Variants in CUX2 observed in about 807,000 individuals in gnomAD.
The protein encoded by CUX2 is cut like homeobox 2.
Under a neutral mutation model 144.8 loss-of-function variants are expected in CUX2, and 40 were observed. The ratio of observed to expected loss-of-function variants is 0.28; its 90% CI spans 0.21 to 0.36. The LOEUF (loss-of-function observed/expected upper bound fraction) is 0.36, where lower values mean the gene tolerates loss of function less well. CUX2 is among the 10% of genes least tolerant of loss of function. The pLI is 1.00. For synonymous variants in CUX2, 827 were observed against 875.6 expected, an observed-to-expected ratio of 0.94 and a Z score of 0.98; for missense variants, 1,615 against 1,994.0, an observed-to-expected ratio of 0.81 and a Z score of 3.62.
At chr12:111,183,167 A>C (rs533425194) in intron 1 of CUX2, among the ~76,000 whole-genome samples, 1 of 152,358 alleles carries the variant, frequency 6.6e-6, no homozygotes, top group African/African-American at 2.4e-5. Context: ...CCAGTTGAGA[A>C]CTCAATGAAT....
At chr12:111,069,530 G>A (rs1871165608) in intron 1 of CUX2, among the ~76,000 whole-genome samples, 2 of 148,540 alleles carry the variant, frequency 1.3e-5, no homozygotes, top group South Asian at 4.2e-4. Context: ...CTGTGTGTGT[G>A]TGTGTGTGTG....
At chr12:111,143,247 A>G (rs2136125981) in intron 1 of CUX2, among the ~76,000 whole-genome samples, 1 of 152,336 alleles carries the variant, frequency 6.6e-6, no homozygotes, top group African/African-American at 2.4e-5. Flanking sequence ...GCTGCACTGG[A>G]TGAAGGAGCA....
At chr12:111,043,152 A>G (rs1390265706) in intron 1 of CUX2, among the ~76,000 whole-genome samples, 1 of 152,230 alleles carries the variant, frequency 6.6e-6, no homozygotes, top group Non-Finnish European at 1.5e-5. Flanking sequence ...AAGGAAGGCA[A>G]GGTGCCAGCT....
intron 18 of CUX2, among the ~76,000 whole-genome samples, chr12:111,330,690 T>TACATATATATATATATACATATAC: frequency 1.0e-4 from 1 of 9,972 alleles, no homozygotes; most frequent in East Asian, 1.1e-3. Flanking sequence ...CATATACATA[T>TACATATATATATATATACATATAC]ATATATATAT....
chr12:111,253,178 G>C (rs748039376), intron 3 of CUX2, among the ~76,000 whole-genome samples: 11 of 152,008 alleles, frequency 7.2e-5, no homozygotes, highest in Non-Finnish European at 1.2e-4. Context: ...CAGCCAGATG[G>C]GTCCTGTTAA....
chr12:111,224,405 C>A (rs945346279), intron 3 of CUX2, among the ~76,000 whole-genome samples: 1 of 152,038 alleles, frequency 6.6e-6, no homozygotes, highest in Non-Finnish European at 1.5e-5. Context: ...GCCCCGAGCC[C>A]CCACCCAGCC....
intron 1 of CUX2, among the ~76,000 whole-genome samples, chr12:111,119,922 G>T (rs12315463): frequency 0.025 from 3,767 of 152,254 alleles, 140 homozygotes; most frequent in African/African-American, 0.085. Context: ...GCCAGGCATG[G>T]TGGCACGCGC....
rs1869371977 is a variant in CUX2 at position 111,035,218 on chromosome 12, T to C, written c.63+978T>C. On this transcript the variant is annotated intron_variant, in intron 1 of 21. Coordinates refer to ENST00000261726, the MANE Select transcript of CUX2 (RefSeq NM_015267.4). The surrounding 1 kb of genome is among the most constrained non-coding windows in gnomAD (Gnocchi z 6.0). Reference sequence around the variant, plus strand: ...CTCTCCCGTCTCTGCTTTTCTTCTGTTTCTTTCCTCTCTTCCCTGCTCTTT... The same window carrying C: ...CTCTCCCGTCTCTGCTTTTCTTCTGCTTCTTTCCTCTCTTCCCTGCTCTTT... 6.6e-6 allele frequency among the ~76,000 whole-genome samples: 1 copy of C among 152,244 alleles called. No homozygotes were observed. The highest frequency in any genetic ancestry group is 1.5e-5 in the Non-Finnish European group (1 of 68,044).
intron 17 of CUX2, among the ~76,000 whole-genome samples, chr12:111,321,426 G>A (rs547999879): frequency 1.8e-4 from 28 of 151,728 alleles, no homozygotes; most frequent in African/African-American, 4.8e-4. Flanking sequence ...CCAAGATCTC[G>A]CTACTGTGCT....
intron 1 of CUX2, among the ~76,000 whole-genome samples, chr12:111,107,986 C>T (rs1186125264): frequency 2.6e-5 from 4 of 152,142 alleles, no homozygotes; most frequent in African/African-American, 7.2e-5. Context: ...CCACTGATGT[C>T]GTTTTTCTGG....
At chr12:111,206,110 A>T (rs942568201) in intron 1 of CUX2, among the ~76,000 whole-genome samples, 4 of 152,232 alleles carry the variant, frequency 2.6e-5, no homozygotes, top group Admixed American at 1.3e-4. Context: ...CCAAGGCAGA[A>T]GGATTGCTTG....
intron 1 of CUX2, among the ~76,000 whole-genome samples, chr12:111,151,072 G>A (rs2136136380): frequency 6.6e-6 from 1 of 152,258 alleles, no homozygotes; most frequent in South Asian, 2.1e-4. Flanking sequence ...TTAAATGTAA[G>A]CAGCAGTAAA....
chr12:111,114,878 T>C (rs1874195703), intron 1 of CUX2, among the ~76,000 whole-genome samples: 1 of 152,258 alleles, frequency 6.6e-6, no homozygotes, highest in Non-Finnish European at 1.5e-5. Flanking sequence ...TTCTTTTTTC[T>C]TTATGGATAT....
At chr12:111,282,863 C>T (rs187529184) in intron 4 of CUX2, among the ~76,000 whole-genome samples, 12 of 152,028 alleles carry the variant, frequency 7.9e-5, no homozygotes, top group East Asian at 1.9e-4. Context: ...AATTAATGTC[C>T]GCACCTCCCC....
At chr12:111,315,412 C>CT (rs1565913137) in intron 16 of CUX2, among the ~76,000 whole-genome samples, 1 of 152,148 alleles carries the variant, frequency 6.6e-6, no homozygotes, top group African/African-American at 2.4e-5. Context: ...AAAGGTAGAA[C>CT]TTTTAATGAT....
At chr12:111,109,649 G>A (rs1156406918) in intron 1 of CUX2, among the ~76,000 whole-genome samples, 1 of 152,148 alleles carries the variant, frequency 6.6e-6, no homozygotes, top group Non-Finnish European at 1.5e-5. Context: ...TCTGGGTGCT[G>A]AAAGAACAAA....
intron 3 of CUX2, among the ~76,000 whole-genome samples, chr12:111,232,187 A>G (rs1447370954): frequency 5.4e-5 from 8 of 149,464 alleles, no homozygotes; most frequent in Non-Finnish European, 1.0e-4. Flanking sequence ...GCCTGGTGAC[A>G]GAGTGAGACT....
At chr12:111,132,442 C>T (rs1401798505) in intron 1 of CUX2, among the ~76,000 whole-genome samples, 2 of 152,046 alleles carry the variant, frequency 1.3e-5, no homozygotes, top group Non-Finnish European at 1.5e-5. Flanking sequence ...ACATTAGGCT[C>T]CTTGCTACTT....
rs181640986 is a variant in CUX2 at position 111,113,437 on chromosome 12, C to G, written c.63+79197C>G. Among the ~76,000 whole-genome samples the G allele has an allele frequency of 4.9e-4, 75 of 152,278 alleles. 1 individual carries two copies. The highest frequency in any genetic ancestry group is 1.8e-3 in the African/African-American group (74 of 41,560). On this transcript the variant is annotated intron_variant, in intron 1 of 21. Coordinates refer to ENST00000261726, the MANE Select transcript of CUX2 (RefSeq NM_015267.4). ...GCTCCTTTACATCCAACCCTTCCCC[C>G]ACCCCCTACACCTGACAACTGTTCT... is the stretch of plus-strand genomic sequence containing the variant.
Sources: allele counts gnomAD v4.1 joint callset (sites outside exome capture counted in the v4.1 genomes callset), GRCh38; gene constraint gnomAD v4.1.1; non-coding constraint Gnocchi (gnomAD v3.1); transcripts MANE v1.5; gene names NCBI Gene and HGNC (gene_info 2026-07-23, HGNC 2026-07-21).